RBFOX1: variants seen among roughly 807,000 people sequenced by gnomAD.
RBFOX1 encodes the protein RNA binding protein fox-1 homolog 1.
A neutral mutation model predicts 57.7 loss-of-function variants in RBFOX1; 8 were observed. That is an observed-to-expected ratio of 0.14 (90% CI 0.08 to 0.25). RBFOX1 has a LOEUF of 0.25. RBFOX1 is among the 10% of genes least tolerant of loss of function. The pLI, the probability that RBFOX1 is intolerant of heterozygous loss-of-function variation, is 1.00. For missense variants in RBFOX1, 611 were observed against 548.5 expected (o/e 1.11, Z -1.14); for synonymous variants, 326 against 222.4 (o/e 1.47, Z -4.15).
At chr16:6,938,494 C>G (rs1315498797) in intron 3 of RBFOX1, among the ~76,000 whole-genome samples, 1 of 152,126 alleles carries the variant, frequency 6.6e-6, no homozygotes, top group Non-Finnish European at 1.5e-5. Flanking sequence ...AAGTCTCATC[C>G]ATAATATTAA....
At chr16:6,359,028 C>G (rs1054673240) in intron 2 of RBFOX1, among the ~76,000 whole-genome samples, 1 of 152,152 alleles carries the variant, frequency 6.6e-6, no homozygotes, top group South Asian at 2.1e-4. Context: ...AAACCTGGCT[C>G]TAAGGAATTA....
chr16:7,114,068 C>A (rs969478789), intron 4 of RBFOX1, among the ~76,000 whole-genome samples: 2 of 152,162 alleles, frequency 1.3e-5, no homozygotes, highest in Non-Finnish European at 2.9e-5. Context: ...TCATATTTGG[C>A]AAAATTTTCT....
chr16:6,294,809 G>A (rs566892989), intron 1 of RBFOX1, among the ~76,000 whole-genome samples: 12 of 152,276 alleles, frequency 7.9e-5, no homozygotes, highest in Admixed American at 2.0e-4. Context: ...AGAAAATAAT[G>A]AGTAGCAACA....
At chr16:6,953,045 T>C (rs13338839) in intron 3 of RBFOX1, among the ~76,000 whole-genome samples, 49,168 of 151,784 alleles carry the variant, frequency 0.32, 10,171 homozygotes, top group African/African-American at 0.59. Context: ...TTAAGCATTA[T>C]TATTTCTATA....
chr16:6,808,739 C>G (rs1006009812), intron 3 of RBFOX1, among the ~76,000 whole-genome samples: 2 of 152,170 alleles, frequency 1.3e-5, no homozygotes, highest in African/African-American at 2.4e-5. Flanking sequence ...CTTTTCTCCA[C>G]AGACAAATAC....
At chr16:6,981,680 T>C (rs765592615) in intron 3 of RBFOX1, among the ~76,000 whole-genome samples, 1 of 152,138 alleles carries the variant, frequency 6.6e-6, no homozygotes, top group Non-Finnish European at 1.5e-5. Context: ...GAACTCCCTT[T>C]TATAAAACCA....
At position 5,980,079 on chromosome 16, in the gene RBFOX1, A is replaced by C. The variant is rs181386931; in HGVS notation, c.351+112744A>C. On this transcript the variant is annotated intron_variant, in intron 4 of 19. Transcript: ENST00000641259. ...CAGCTCCACCCTCCTCCCTCTCTCTAGGAACTTAGGCTCCTTTCTGCCAGC... is the reference window on the plus strand; with the variant it reads ...CAGCTCCACCCTCCTCCCTCTCTCTCGGAACTTAGGCTCCTTTCTGCCAGC... Among the ~76,000 whole-genome samples, 277 of 152,306 alleles carry C rather than the reference A, an allele frequency of 1.8e-3. 3 individuals carry two copies. The highest frequency in any genetic ancestry group is 3.7e-4 in the Non-Finnish European group (25 of 68,028).
Position 7,018,316 on chromosome 16 carries a change from G to A in RBFOX1, c.-15-33741G>A, listed in dbSNP as rs532200645. Among the ~76,000 whole-genome samples the A allele has an allele frequency of 3.9e-5, 6 of 152,256 alleles. No homozygotes were observed. The South Asian group carries it at 1.0e-3, about 26-fold the overall frequency. On this transcript the variant is annotated intron_variant, in intron 3 of 15. Transcript: ENST00000550418. ...TTTGGGCGAGATGTTTAGTTTCAGT[G>A]AGAAGCCTAACCTCCGGGAGTTGTT...
intron 2 of RBFOX1, among the ~76,000 whole-genome samples, chr16:6,645,294 G>A (rs77462144): frequency 0.012 from 1,899 of 152,206 alleles, 40 homozygotes; most frequent in African/African-American, 0.043. Flanking sequence ...CAGGCACTAG[G>A]GACTAGTCGG....
intron 1 of RBFOX1, among the ~76,000 whole-genome samples, chr16:5,267,371 C>T (rs143401969): frequency 4.0e-5 from 6 of 150,354 alleles, no homozygotes; most frequent in African/African-American, 1.2e-4. Flanking sequence ...AATCTTGACT[C>T]ACTGCAACCT....
chr16:7,663,114 A>G (rs3785217), intron 12 of RBFOX1, among the ~76,000 whole-genome samples: 18,107 of 152,210 alleles, frequency 0.12, 1,485 homozygotes, highest in East Asian at 0.33. Flanking sequence ...GTGGTTTGGG[A>G]CCCAAACTAA....
At chr16:7,368,630 A>G (rs1049704314) in intron 4 of RBFOX1, among the ~76,000 whole-genome samples, 1 of 151,816 alleles carries the variant, frequency 6.6e-6, no homozygotes, top group South Asian at 2.1e-4. Flanking sequence ...TACAAAAAAA[A>G]TTAGCCAGGC....
intron 2 of RBFOX1, among the ~76,000 whole-genome samples, chr16:6,529,955 C>G (rs953308945): frequency 6.6e-6 from 1 of 152,130 alleles, no homozygotes; most frequent in Non-Finnish European, 1.5e-5. Flanking sequence ...AGAAATAACT[C>G]AGATTTTTCA....
At chr16:6,103,117 C>G (rs1428769537) in intron 1 of RBFOX1, among the ~76,000 whole-genome samples, 1 of 152,152 alleles carries the variant, frequency 6.6e-6, no homozygotes, top group African/African-American at 2.4e-5. Context: ...CACTGTGTGT[C>G]AGATATCTGA....
intron 4 of RBFOX1, among the ~76,000 whole-genome samples, chr16:7,220,786 A>G (rs917119445): frequency 6.6e-6 from 1 of 152,120 alleles, no homozygotes; most frequent in Non-Finnish European, 1.5e-5. Context: ...TGGCCGTACA[A>G]TCAGCATTTT....
At chr16:7,555,580 C>T (rs373920361) in intron 5 of RBFOX1, among the ~76,000 whole-genome samples, 2 of 152,110 alleles carry the variant, frequency 1.3e-5, no homozygotes, top group Admixed American at 6.5e-5. Flanking sequence ...CTACAAAGAC[C>T]TGCGTGACCT....
intron 3 of RBFOX1, among the ~76,000 whole-genome samples, chr16:6,665,738 G>A (rs1167854925): frequency 6.6e-6 from 1 of 151,382 alleles, no homozygotes; most frequent in Non-Finnish European, 1.5e-5. Flanking sequence ...CTTGCATTGA[G>A]GATTTACTAC....
intron 3 of RBFOX1, among the ~76,000 whole-genome samples, chr16:5,677,716 T>A (rs2050209986): frequency 6.6e-6 from 1 of 152,218 alleles, no homozygotes; most frequent in South Asian, 2.1e-4. Context: ...AAAACACATT[T>A]CTCTGAATTC....
At chr16:5,526,817 G>A (rs146313386) in intron 2 of RBFOX1, among the ~76,000 whole-genome samples, 6 of 152,278 alleles carry the variant, frequency 3.9e-5, no homozygotes, top group East Asian at 1.9e-4. Context: ...GGCAGGAAGC[G>A]TGTTATTGTT....
Sources: gnomAD v4.1 joint callset for allele counts (sites outside exome capture counted in the v4.1 genomes callset) on GRCh38, gnomAD v4.1.1 for gene constraint, MANE v1.5 for transcripts, NCBI Gene and HGNC (gene_info 2026-07-23, HGNC 2026-07-21) for gene names.